ZNF385C: variants seen among roughly 807,000 people sequenced by gnomAD.
The protein encoded by ZNF385C is CTD-2132N18.2.
Under a neutral mutation model 35.4 loss-of-function variants are expected in ZNF385C, and 28 were observed. The ratio of observed to expected loss-of-function variants is 0.79; its 90% CI spans 0.59 to 1.08. The LOEUF (loss-of-function observed/expected upper bound fraction) is 1.08. Ranked by LOEUF, ZNF385C falls within the 50% of genes least tolerant of loss-of-function variation. The probability of loss-of-function intolerance (pLI) is 0.00; values close to 1 mark genes in which losing one functional copy is unlikely to be tolerated. For missense variants in ZNF385C, 605 were observed against 595.6 expected, an observed-to-expected ratio of 1.02 and a Z score of -0.16; for synonymous variants, 248 against 248.2, an observed-to-expected ratio of 1.00 and a Z score of 0.01.
At chr17:42,036,716 G>A (rs1302352969) in intron 3 of ZNF385C, among the ~76,000 whole-genome samples, 1 of 152,070 alleles carries the variant, frequency 6.6e-6, no homozygotes, top group Non-Finnish European at 1.5e-5. Flanking sequence ...ATGGCCTGCA[G>A]GGGCCCCCTG....
intron 2 of ZNF385C, among the ~76,000 whole-genome samples, chr17:42,059,831 A>G (rs1363188425): frequency 6.6e-6 from 1 of 152,182 alleles, no homozygotes; most frequent in Non-Finnish European, 1.5e-5. Context: ...CATATTGGCC[A>G]GGCTAGTCTC....
chr17:42,062,657 G>A (rs1346129262), intron 2 of ZNF385C, 150 bp downstream of exon 2: 1 of 404,306 alleles, frequency 2.5e-6, no homozygotes, highest in Middle Eastern at 6.2e-4. Flanking sequence ...TGGCATCGGG[G>A]AGGCTTCAGA....
chr17:42,069,771 G>C (rs1321319244), intron 1 of ZNF385C, among the ~76,000 whole-genome samples: 2 of 152,168 alleles, frequency 1.3e-5, no homozygotes, highest in Non-Finnish European at 2.9e-5. Context: ...GGCCAGGCGT[G>C]GTGGCTCTTG....
chr17:42,055,096 T>C (rs1192928300), intron 2 of ZNF385C, among the ~76,000 whole-genome samples: 1 of 152,126 alleles, frequency 6.6e-6, no homozygotes, highest in Non-Finnish European at 1.5e-5. Context: ...CAGGTCCCGA[T>C]GCTAGCCCCC....
At chr17:42,097,683 C>G (rs1555661068) in intron 1 of ZNF385C, among the ~76,000 whole-genome samples, 1 of 152,144 alleles carries the variant, frequency 6.6e-6, no homozygotes, top group Non-Finnish European at 1.5e-5. Context: ...AGGAAGGCTT[C>G]CTCGAGGTCC....
chr17:42,078,516 A>T (rs1228729893), intron 1 of ZNF385C, among the ~76,000 whole-genome samples: 1 of 151,704 alleles, frequency 6.6e-6, no homozygotes, highest in Non-Finnish European at 1.5e-5. Flanking sequence ...TCCTCATGTG[A>T]GGTTGGTAAT....
At chr17:42,085,425 C>A (rs182893823) in intron 1 of ZNF385C, among the ~76,000 whole-genome samples, 6 of 151,220 alleles carry the variant, frequency 4.0e-5, no homozygotes, top group Admixed American at 4.0e-4. Flanking sequence ...TGCGCCACCA[C>A]GTCCGGCTAA....
chr17:42,028,096 C>A lies in ZNF385C; in HGVS notation c.1118G>T (p.Cys373Phe), dbSNP rs1555654514. The A allele has an allele frequency of 1.9e-6, 3 of 1,613,776 alleles. No homozygotes were observed. The highest frequency in any genetic ancestry group is 2.5e-6 in the Non-Finnish European group (3 of 1,179,914). ...GRQGPSPAFH[C>F]ALCQLQVNSE... Reference sequence around the variant, plus strand: ...ATTGACCTGGAGCTGACAGAGAGCACAGTGGAAGGCAGGGCTGGGCCCCTG... The same window carrying A: ...ATTGACCTGGAGCTGACAGAGAGCAAAGTGGAAGGCAGGGCTGGGCCCCTG... Residue 373 changes from cysteine to phenylalanine, a missense_variant, in exon 7 of 9, where the codon TGT becomes TTT. Physicochemically the swap from Cys to Phe is radical, Grantham distance 205. Transcript: ENST00000692273.
At chr17:42,043,550 C>A in intron 2 of ZNF385C, 2 of 452,448 alleles carry the variant, frequency 4.4e-6, no homozygotes, top group Non-Finnish European at 7.2e-6. Context: ...TATTCCTGCT[C>A]TGCCGGTGGG....
intron 1 of ZNF385C, among the ~76,000 whole-genome samples, chr17:42,093,104 G>A (rs1309298682): frequency 2.0e-5 from 3 of 152,206 alleles, no homozygotes; most frequent in South Asian, 2.1e-4. Context: ...CCGTGGGAGC[G>A]ATGGGGAGGC....
chr17:42,069,531 C>T (rs548741282), intron 1 of ZNF385C, among the ~76,000 whole-genome samples: 1 of 152,326 alleles, frequency 6.6e-6, no homozygotes, highest in South Asian at 2.1e-4. Flanking sequence ...AAGAGGTAAC[C>T]GGAGAGGAAG....
At position 42,040,832 on chromosome 17, in the gene ZNF385C, G is replaced by A. The variant is rs1335858050; in HGVS notation, c.251-2947C>T. On this transcript the variant is annotated intron_variant, in intron 2 of 8. Transcript: ENST00000692273. Reference sequence around the variant, plus strand: ...TAGGCCGGGGGCTCAGGATCTGTCCGGCCAGGGAGACAATGCAGCTCTGCC... The same window carrying A: ...TAGGCCGGGGGCTCAGGATCTGTCCAGCCAGGGAGACAATGCAGCTCTGCC... 13 of 1,232,246 alleles carry A rather than the reference G, an allele frequency of 1.1e-5. No individual in the cohort carries two copies. The African/African-American group carries it at 1.4e-4, about 13-fold the overall frequency. 76.3% of individuals were successfully genotyped at this position (1,232,246 alleles called of 1,614,324 possible).
chr17:42,068,421 G>A (rs980345092), intron 1 of ZNF385C, among the ~76,000 whole-genome samples: 1 of 151,440 alleles, frequency 6.6e-6, no homozygotes, highest in Admixed American at 6.6e-5. Context: ...CTTTCTCTTC[G>A]CCCCCCAGCT....
Position 42,025,700 on chromosome 17 carries a change from A to G in ZNF385C, c.*1197T>C, listed in dbSNP as rs1430333918. 2 of 152,640 alleles carry G rather than the reference A, an allele frequency of 1.3e-5. No homozygotes were observed. Among genetic ancestry groups the G allele is most frequent in the Admixed American group, 6.5e-5 (1 of 15,284 alleles). 9.5% of individuals were successfully genotyped at this position (152,640 alleles called of 1,614,324 possible). A position where few individuals can be genotyped will look rare whatever the true frequency, so the allele number is the denominator to read the frequency against. On this transcript the variant is annotated 3_prime_UTR_variant, in exon 9 of 9. Transcript: ENST00000692273. ...CATTGGAAATGTCTTTAAAAAACAA[A>G]AAAAAGATACAGGGGGATACTGGCA...
chr17:42,059,040 G>A (rs1391757438), intron 2 of ZNF385C, among the ~76,000 whole-genome samples: 2 of 152,216 alleles, frequency 1.3e-5, no homozygotes, highest in African/African-American at 2.4e-5. Context: ...GCCAGGGGAG[G>A]GGAGTGGGTG....
intron 1 of ZNF385C, among the ~76,000 whole-genome samples, chr17:42,093,811 T>C (rs1242871712): frequency 6.6e-6 from 1 of 151,798 alleles, no homozygotes; most frequent in Non-Finnish European, 1.5e-5. Context: ...CTCTAACTCC[T>C]TGACCTCAAG....
chr17:42,051,060 G>C (rs2053273694), intron 2 of ZNF385C, among the ~76,000 whole-genome samples: 1 of 152,120 alleles, frequency 6.6e-6, no homozygotes, highest in Non-Finnish European at 1.5e-5. Flanking sequence ...TTTTACTAGG[G>C]GAAGGGCACT....
rs1261509091 is a variant in ZNF385C at position 42,025,626 on chromosome 17, C to T, written c.*1271G>A. Reference sequence around the variant, plus strand: ...GCATTGGTTGGACACAATAAAACCACAATTGTTATCAAAAAGTTTCCCTCC... The same window carrying T: ...GCATTGGTTGGACACAATAAAACCATAATTGTTATCAAAAAGTTTCCCTCC... On this transcript the variant is annotated 3_prime_UTR_variant, in exon 9 of 9. Transcript: ENST00000692273. The T allele has an allele frequency of 6.6e-6, 1 of 152,536 alleles. No homozygotes were observed. Among genetic ancestry groups the T allele is most frequent in the Non-Finnish European group, 1.5e-5 (1 of 68,034 alleles). 9.4% of individuals were successfully genotyped at this position (152,536 alleles called of 1,614,324 possible). A position where few individuals can be genotyped will look rare whatever the true frequency, so the allele number is the denominator to read the frequency against.
intron 2 of ZNF385C, among the ~76,000 whole-genome samples, chr17:42,060,145 C>T (rs997310485): frequency 6.6e-6 from 1 of 152,144 alleles, no homozygotes; most frequent in East Asian, 1.9e-4. Flanking sequence ...CTCAGCACCC[C>T]CTTTCTGATA....
Sources: gnomAD v4.1 joint callset for allele counts (sites outside exome capture counted in the v4.1 genomes callset) on GRCh38, gnomAD v4.1.1 for gene constraint, MANE v1.5 for transcripts, NCBI Gene and HGNC (gene_info 2026-07-23, HGNC 2026-07-21) for gene names.